The following EFCAB8 variants were observed in gnomAD, a reference collection of about 807,000 sequenced individuals.
EFCAB8 encodes the protein EF-hand calcium binding domain 8, also known as EF-hand calcium-binding domain-containing protein 8.
Under a neutral mutation model 116.3 loss-of-function variants are expected in EFCAB8, and 100 were observed. The observed-to-expected ratio is 0.86, with a 90% CI of 0.73 to 1.02. The LOEUF is 1.02. Ranked by LOEUF, EFCAB8 falls within the 50% of genes least tolerant of loss-of-function variation. The pLI is 0.00. For synonymous variants in EFCAB8, 558 were observed against 567.9 expected (o/e 0.98, Z 0.25); for missense variants, 1,320 against 1,416.9 (o/e 0.93, Z 1.10).
intron 11 of EFCAB8, among the ~76,000 whole-genome samples, chr20:32,904,297 TAG>T (rs952179120): frequency 6.8e-6 from 1 of 146,098 alleles, no homozygotes; most frequent in African/African-American, 2.5e-5. Context: ...CTGGCCTGAA[TAG>T]AGTCTTTTTG....
At chr20:32,881,707 C>T (rs543877894) in intron 5 of EFCAB8, among the ~76,000 whole-genome samples, 1 of 152,298 alleles carries the variant, frequency 6.6e-6, no homozygotes, top group African/African-American at 2.4e-5. Flanking sequence ...GCTACTGTAG[C>T]GAGTGCCTCC....
intron 11 of EFCAB8, among the ~76,000 whole-genome samples, chr20:32,899,076 T>C (rs1986299819): frequency 6.6e-6 from 1 of 152,190 alleles, no homozygotes; most frequent in Non-Finnish European, 1.5e-5. Flanking sequence ...AGTGAAGTTT[T>C]TTCTTTTCTT....
Position 32,939,999 on chromosome 20 carries a change from G to C in EFCAB8, c.2791-3637G>C, listed in dbSNP as rs868815043. On this transcript the variant is annotated intron_variant, in intron 22 of 26. Coordinates refer to ENST00000400522, the MANE Select transcript of EFCAB8 (RefSeq NM_001143967.2). The stretch of plus-strand genomic sequence containing the variant: ...CATGAGCCACTGTGCCTGCCTGCCT[G>C]CCTGCCTCCCTCCCTCCCTCCCTCC... Among the ~76,000 whole-genome samples the C allele has an allele frequency of 1.4e-3, 92 of 63,464 alleles. 2 individuals carry two copies. Among genetic ancestry groups the C allele is most frequent in the Middle Eastern group, 0.013 (1 of 76 alleles). The allele number at this position is 63,464 out of a possible 152,430, so 41.6% of individuals were successfully genotyped here.
At chr20:32,922,976 G>C (rs1339994804) in intron 20 of EFCAB8, among the ~76,000 whole-genome samples, 1 of 152,158 alleles carries the variant, frequency 6.6e-6, no homozygotes, top group Non-Finnish European at 1.5e-5. Context: ...TTGAGCCCAG[G>C]AGTTCTAGAC....
rs971245968 is a variant in EFCAB8, at chr20:32,961,407, C to T, written c.3665C>T (p.Thr1222Met). 4.1e-5 allele frequency: 60 copies of T among 1,457,996 alleles called. No homozygotes were observed. The highest frequency in any genetic ancestry group is 5.9e-5 in the South Asian group (4 of 68,122). 90.3% of individuals were successfully genotyped at this position (1,457,996 alleles called of 1,614,324 possible). A position where few individuals can be genotyped will look rare whatever the true frequency, so the allele number is the denominator to read the frequency against. The change falls in exon 27 of 27, where the codon ACG becomes ATG. Residue 1222 changes from threonine (T) to methionine (M), a missense_variant. Thr to Met is a moderately conservative substitution (Grantham distance 81). Coordinates refer to ENST00000400522, the MANE Select transcript of EFCAB8 (RefSeq NM_001143967.2). Reference protein sequence around the residue: ...LLDSSLPTFLTPQFSFLLRPQ... With the variant: ...LLDSSLPTFLMPQFSFLLRPQ... ...GACTCCAGCTTGCCCACCTTCCTGA[C>T]GCCCCAGTTCTCCTTCTTGCTGCGG...
At chr20:32,889,524 T>C in intron 7 of EFCAB8, 118 bp downstream of exon 7, 2 of 1,031,202 alleles carry the variant, frequency 1.9e-6, no homozygotes, top group Non-Finnish European at 2.9e-6. Flanking sequence ...CCTGGGAGGA[T>C]AGCCAGGTGG....
chr20:32,949,637 A>T (rs1293273520), intron 23 of EFCAB8, among the ~76,000 whole-genome samples: 2 of 152,220 alleles, frequency 1.3e-5, no homozygotes, highest in Non-Finnish European at 2.9e-5. Flanking sequence ...TGCAAAGGCA[A>T]TTCAGTGGAG....
chr20:32,896,491 T>TTAA lies in EFCAB8; in HGVS notation c.921_922insTAA (p.Asn307_Glu308insTer). 1.4e-6 allele frequency: 1 copy of TTAA among 719,078 alleles called. No homozygotes were observed. Among genetic ancestry groups the TTAA allele is most frequent in the South Asian group, 1.5e-5 (1 of 67,604 alleles). 44.5% of individuals were successfully genotyped at this position (719,078 alleles called of 1,614,324 possible). Reference sequence around the variant, plus strand: ...AAGTTTCCTTGCAGAAACTCTTAAATGAGAAGTCTGCTTTGCATAGAAGCT... The same window carrying TTAA: ...AAGTTTCCTTGCAGAAACTCTTAAATTAAGAGAAGTCTGCTTTGCATAGAAGCT... On this transcript the variant is annotated stop_gained and inframe_insertion, in exon 10 of 27. Coordinates refer to ENST00000400522, the MANE Select transcript of EFCAB8 (RefSeq NM_001143967.2). LOFTEE classifies it high-confidence loss of function.
chr20:32,876,139 C>T lies in EFCAB8; in HGVS notation c.327+95C>T, dbSNP rs138441764. On this transcript the variant is annotated intron_variant, in intron 4 of 26. Transcript: ENST00000400522. ...TGGGGCTGAAGATGGGAGGCCATCA[C>T]GATGTGGGAAAGCCTCCCTGTGGAT... The T allele has an allele frequency of 4.5e-4, 493 of 1,093,252 alleles. 1 individual carries two copies. In the African/African-American group the frequency reaches 6.2e-3, roughly 14 times the overall value. The allele number at this position is 1,093,252 out of a possible 1,614,324, so 67.7% of individuals were successfully genotyped here.
intron 10 of EFCAB8, among the ~76,000 whole-genome samples, chr20:32,897,578 GA>G: frequency 6.6e-6 from 1 of 152,090 alleles, no homozygotes; most frequent in South Asian, 2.1e-4. Context: ...GAGTAGCTGG[GA>G]ATACAAGCAC....
In EFCAB8 at chr20:32,863,854, G is replaced by A. The variant is rs2146163844; in HGVS notation, c.42+20G>A. 1.9e-6 allele frequency: 3 copies of A among 1,550,922 alleles called. No individual in the cohort carries two copies. Among genetic ancestry groups the A allele is most frequent in the Non-Finnish European group, 2.6e-6 (3 of 1,146,660 alleles). ...CAAAAGGTAAGAAAGACAATTATCT[G>A]AACTAATAAAGGGTGGGGCATTCCA... On this transcript the variant is annotated intron_variant, in intron 2 of 26. Coordinates refer to ENST00000400522, the MANE Select transcript of EFCAB8 (RefSeq NM_001143967.2).
intron 11 of EFCAB8, chr20:32,903,537 C>A (rs1003351691): frequency 6.6e-6 from 1 of 152,230 alleles, no homozygotes; most frequent in African/African-American, 2.4e-5. Flanking sequence ...CTTTGTTGAT[C>A]AATACGTGAA....
intron 5 of EFCAB8, among the ~76,000 whole-genome samples, chr20:32,882,199 CAAA>C (rs909892256): frequency 2.7e-5 from 4 of 149,982 alleles, no homozygotes; most frequent in African/African-American, 9.8e-5. Context: ...AACTCCGTCT[CAAA>C]AAGAAAAAAA....
chr20:32,870,643 C>T (rs1240845101), intron 3 of EFCAB8, among the ~76,000 whole-genome samples: 3 of 151,908 alleles, frequency 2.0e-5, no homozygotes, highest in African/African-American at 4.8e-5. Flanking sequence ...GAATTAGAGG[C>T]ATGTGCCACA....
In EFCAB8 at chr20:32,961,556, C is replaced by T; in HGVS notation, c.3814C>T (p.Leu1272=). 2 of 1,401,682 alleles carry T rather than the reference C, an allele frequency of 1.4e-6. No homozygotes were observed. Among genetic ancestry groups the T allele is most frequent in the South Asian group, 3.8e-5 (2 of 52,978 alleles). The allele number at this position is 1,401,682 out of a possible 1,614,324, so 86.8% of individuals were successfully genotyped here. Residue 1272 remains leucine (L), a synonymous_variant, in exon 27 of 27, where the codon CTG becomes TTG. Transcript: ENST00000400522. ...VSSFERPPRP[L]KATFMSSVKG... ...CTCCTTCGAGCGGCCCCCAAGGCCTCTGAAGGCCACCTTCATGTCCTCTGT... is the reference window on the plus strand; with the variant it reads ...CTCCTTCGAGCGGCCCCCAAGGCCTTTGAAGGCCACCTTCATGTCCTCTGT...
At chr20:32,898,041 T>A (rs1284627803) in intron 10 of EFCAB8, among the ~76,000 whole-genome samples, 1 of 152,182 alleles carries the variant, frequency 6.6e-6, no homozygotes, top group African/African-American at 2.4e-5. Flanking sequence ...TGCCGTGAAA[T>A]GCACATTCTC....
At chr20:32,889,215 C>A (rs1600387615) in intron 6 of EFCAB8, 86 bp from the exon 7 acceptor site, 1 of 1,187,372 alleles carries the variant, frequency 8.4e-7, no homozygotes, top group Non-Finnish European at 1.2e-6. Flanking sequence ...TGGCTCCAGG[C>A]CTTGTGTGGC....
chr20:32,918,547 G>A lies in EFCAB8; in HGVS notation c.2247G>A (p.Lys749=), dbSNP rs1285578675. 11 of 1,551,508 alleles carry A rather than the reference G, an allele frequency of 7.1e-6. No individual in the cohort carries two copies. The East Asian group carries it at 2.7e-4, about 38-fold the overall frequency. Reference sequence around the variant, plus strand: ...CAGTGATGCGGTGCCCGAGAGACAAGGAGCCAGACAGGCCTGTGCCCCAGC... The same window carrying A: ...CAGTGATGCGGTGCCCGAGAGACAAAGAGCCAGACAGGCCTGTGCCCCAGC... ...APPVMRCPRD[K]EPDRPVPQQK... is the part of the protein sequence containing the mutation. Residue 749 remains lysine, a synonymous_variant, in exon 19 of 27, where the codon AAG becomes AAA. Coordinates refer to ENST00000400522, the MANE Select transcript of EFCAB8 (RefSeq NM_001143967.2).
At chr20:32,952,693 T>C (rs548519950) in intron 23 of EFCAB8, among the ~76,000 whole-genome samples, 49 of 152,346 alleles carry the variant, frequency 3.2e-4, no homozygotes, top group African/African-American at 1.0e-3. Context: ...ATCCACATTG[T>C]GAGTACTTTT....
Sources: gnomAD v4.1 joint callset for allele counts (sites outside exome capture counted in the v4.1 genomes callset) on GRCh38, gnomAD v4.1.1 for gene constraint, MANE v1.5 for transcripts, NCBI Gene and HGNC (gene_info 2026-07-23, HGNC 2026-07-21) for gene names.